The following CTDP1 variants were observed in gnomAD, a reference collection of about 807,000 sequenced individuals.
CTDP1 encodes RNA polymerase II subunit A C-terminal domain phosphatase.
CTDP1 carries 47 observed loss-of-function variants against 91.8 expected under a neutral mutation model. The ratio of observed to expected loss-of-function variants is 0.51; its 90% CI spans 0.41 to 0.65. The LOEUF (loss-of-function observed/expected upper bound fraction) is 0.65. Among genes scored for constraint, CTDP1 ranks in the 30% least tolerant of loss-of-function variants. The pLI is 0.00. For missense variants in CTDP1, 1,272 were observed against 1,373.7 expected (o/e 0.93, Z 1.17); for synonymous variants, 656 against 598.5 (o/e 1.10, Z -1.40).
At chr18:79,684,054 G>C (rs970746782) in intron 1 of CTDP1, among the ~76,000 whole-genome samples, 1 of 152,270 alleles carries the variant, frequency 6.6e-6, no homozygotes, top group Non-Finnish European at 1.5e-5. Flanking sequence ...CTTGCAGAGA[G>C]CAGACAGCGG....
chr18:79,692,264 G>C (rs1013303047), intron 1 of CTDP1, among the ~76,000 whole-genome samples: 1 of 152,066 alleles, frequency 6.6e-6, no homozygotes, highest in Admixed American at 6.5e-5. Context: ...AGCCCCACTG[G>C]CTGGAAGGTG....
intron 1 of CTDP1, among the ~76,000 whole-genome samples, chr18:79,689,436 G>A (rs1054373597): frequency 6.6e-6 from 1 of 152,178 alleles, no homozygotes; most frequent in Non-Finnish European, 1.5e-5. Context: ...ATAGTCCAGT[G>A]GTGGTGTTCT....
intron 1 of CTDP1, among the ~76,000 whole-genome samples, chr18:79,694,307 ACGGGG>A (rs2085695830): frequency 3.4e-5 from 2 of 59,108 alleles, no homozygotes; most frequent in African/African-American, 1.3e-4. Context: ...TCTCATGTCC[ACGGGG>A]TGGGGTGGTC....
intron 8 of CTDP1, among the ~76,000 whole-genome samples, chr18:79,715,987 G>A (rs558115833): frequency 1.6e-4 from 25 of 152,322 alleles, no homozygotes; most frequent in African/African-American, 5.5e-4. Context: ...GTCTCCCGAC[G>A]GTGAAACCTG....
At chr18:79,729,620 C>T (rs901860938) in intron 11 of CTDP1, among the ~76,000 whole-genome samples, 4 of 152,216 alleles carry the variant, frequency 2.6e-5, no homozygotes, top group Non-Finnish European at 5.9e-5. Context: ...GTTTTCTCAG[C>T]CGGGTCCTGC....
chr18:79,715,424 G>T lies in CTDP1; in HGVS notation c.1964G>T (p.Arg655Leu). 3 of 1,599,260 alleles carry T rather than the reference G, an allele frequency of 1.9e-6. No individual in the cohort carries two copies. Among genetic ancestry groups the T allele is most frequent in the East Asian group, 4.5e-5 (2 of 44,112 alleles). ...HPTNFPIEKTREHYHATALGA... is the reference protein window; with the variant it reads ...HPTNFPIEKTLEHYHATALGA... ...ACAAACTTCCCGATAGAGAAGACGCGGGAGCATTACCACGCCACGGCGCTG... is the reference window on the plus strand; with the variant it reads ...ACAAACTTCCCGATAGAGAAGACGCTGGAGCATTACCACGCCACGGCGCTG... Residue 655 changes from arginine (R) to leucine (L), a missense_variant, in exon 8 of 13, where the codon CGG becomes CTG. Physicochemically the swap from Arg to Leu is moderately radical, Grantham distance 102. Coordinates refer to ENST00000613122, the MANE Select transcript of CTDP1 (RefSeq NM_004715.5).
chr18:79,693,952 C>G (rs921457472), intron 1 of CTDP1, among the ~76,000 whole-genome samples: 2 of 152,350 alleles, frequency 1.3e-5, no homozygotes, highest in Non-Finnish European at 2.9e-5. Flanking sequence ...CACAGCCTGC[C>G]ATGGCACAGT....
intron 5 of CTDP1, among the ~76,000 whole-genome samples, chr18:79,709,871 C>T (rs2086045116): frequency 6.6e-6 from 1 of 152,196 alleles, no homozygotes; most frequent in Non-Finnish European, 1.5e-5. Context: ...ACCTTTCCTC[C>T]ACTAACCATT....
chr18:79,689,774 C>T (rs564524213), intron 1 of CTDP1, among the ~76,000 whole-genome samples: 47 of 152,188 alleles, frequency 3.1e-4, no homozygotes, highest in African/African-American at 1.1e-3. Flanking sequence ...GAGCGAGACT[C>T]CGTCACAAAT....
At chr18:79,747,129 A>G (rs1179237445) in intron 12 of CTDP1, among the ~76,000 whole-genome samples, 1 of 152,170 alleles carries the variant, frequency 6.6e-6, no homozygotes, top group Non-Finnish European at 1.5e-5. Context: ...CAGTCCTTTC[A>G]TACCAATACA....
chr18:79,732,016 CACTA>C (rs1313423323), intron 11 of CTDP1, among the ~76,000 whole-genome samples: 2 of 151,786 alleles, frequency 1.3e-5, no homozygotes, highest in Non-Finnish European at 2.9e-5. Flanking sequence ...TGTAAGAACT[CACTA>C]ACATCAGGAG....
intron 1 of CTDP1, among the ~76,000 whole-genome samples, chr18:79,685,005 GGA>G (rs1568171073): frequency 7.5e-5 from 2 of 26,528 alleles, no homozygotes; most frequent in African/African-American, 1.0e-4. Context: ...CTGGTGAGGA[GGA>G]CGGTGCAGGG....
Position 79,729,088 on chromosome 18 carries a change from C to A in CTDP1, c.2580+19C>A. The A allele has an allele frequency of 6.2e-7, 1 of 1,612,136 alleles. No homozygotes were observed. Among genetic ancestry groups the A allele is most frequent in the Non-Finnish European group, 8.5e-7 (1 of 1,179,986 alleles). Reference sequence around the variant, plus strand: ...CAAAGAGGTGAGCCAACCCCACGCCCCGGTGCCCGCGCCAGCGCTCGTGCT... The same window carrying A: ...CAAAGAGGTGAGCCAACCCCACGCCACGGTGCCCGCGCCAGCGCTCGTGCT... On this transcript the variant is annotated intron_variant, in intron 11 of 12. Coordinates refer to ENST00000613122, the MANE Select transcript of CTDP1 (RefSeq NM_004715.5).
At chr18:79,689,069 A>G (rs754721803) in intron 1 of CTDP1, among the ~76,000 whole-genome samples, 14 of 152,172 alleles carry the variant, frequency 9.2e-5, no homozygotes, top group Non-Finnish European at 1.9e-4. Context: ...GTGCTCTTAC[A>G]TAGCACTAAT....
chr18:79,681,811 G>C (rs1013517315), intron 1 of CTDP1, among the ~76,000 whole-genome samples: 1 of 152,158 alleles, frequency 6.6e-6, no homozygotes, highest in Non-Finnish European at 1.5e-5. Flanking sequence ...GTCCATGGGC[G>C]GCAGGTAAAT....
chr18:79,717,693 C>G lies in CTDP1; in HGVS notation c.2210+17C>G. On this transcript the variant is annotated intron_variant, in intron 9 of 12. Transcript: ENST00000613122. ...GGCACAGAGGTGGGTCCTCGCTGCACCCAGCAGGTCCGTGCCAGGCGTTCC... is the reference window on the plus strand; with the variant it reads ...GGCACAGAGGTGGGTCCTCGCTGCAGCCAGCAGGTCCGTGCCAGGCGTTCC... 1 of 1,614,004 alleles carries G rather than the reference C, an allele frequency of 6.2e-7. No individual in the cohort carries two copies. The highest frequency in any genetic ancestry group is 8.5e-7 in the Non-Finnish European group (1 of 1,179,978).
chr18:79,756,152 G>C (rs2087091050), downstream of CTDP1: 1 of 152,448 alleles, frequency 6.6e-6, no homozygotes, highest in Non-Finnish European at 1.5e-5. Flanking sequence ...ACGTGTTGGA[G>C]GTGGGTCTCA....
Position 79,728,203 on chromosome 18 carries a change from G to A in CTDP1, c.2418-704G>A, listed in dbSNP as rs531045430. On this transcript the variant is annotated intron_variant, in intron 10 of 12. Transcript: ENST00000613122. Reference sequence around the variant, plus strand: ...CAACCTCTGCCTCCCAGGTTCAAGCGATTCTCCTGCCTCAGCCTCCTGAGT... The same window carrying A: ...CAACCTCTGCCTCCCAGGTTCAAGCAATTCTCCTGCCTCAGCCTCCTGAGT... 7.9e-5 allele frequency among the ~76,000 whole-genome samples: 12 copies of A among 151,974 alleles called. No homozygotes were observed. The East Asian group carries it at 2.3e-3, about 29-fold the overall frequency.
At position 79,713,111 on chromosome 18, in the gene CTDP1, T is replaced by A; in HGVS notation, c.1003T>A (p.Ser335Thr). The change falls in exon 7 of 13, where the codon TCC becomes ACC. Residue 335 changes from serine (S) to threonine (T), a missense_variant. By Grantham distance (58) the Ser-to-Thr change is moderately conservative. Around this residue, in one of 3 missense-constraint regions of CTDP1, gnomAD observed 881 missense variants for 911.6 expected, o/e 0.97. Coordinates refer to ENST00000613122, the MANE Select transcript of CTDP1 (RefSeq NM_004715.5). The surrounding 1 kb of genome is among the most constrained non-coding windows in gnomAD (Gnocchi z 4.7). ...GGGTGATATGAATGCGCCCCCTGGG[T>A]CCCGAGAATCTCAGACGAGAAAGAA... ...GTGDMNAPPG[S>T]RESQTRKKVN... 2.5e-6 allele frequency: 4 copies of A among 1,614,122 alleles called. No individual in the cohort carries two copies. The highest frequency in any genetic ancestry group is 3.4e-6 in the Non-Finnish European group (4 of 1,180,020).
Sources: gnomAD v4.1 joint callset for allele counts (sites outside exome capture counted in the v4.1 genomes callset) on GRCh38, gnomAD v4.1.1 for gene constraint, gnomAD v4.1.1 regional missense constraint, Gnocchi (gnomAD v3.1) non-coding constraint, MANE v1.5 for transcripts, NCBI Gene and HGNC (gene_info 2026-07-23, HGNC 2026-07-21) for gene names.